Variants in USP9X observed in about 807,000 individuals in gnomAD.
USP9X encodes the protein ubiquitin specific peptidase 9 X-linked.
In USP9X, 7 loss-of-function variants were observed where a neutral mutation model predicts 190.3. The observed-to-expected ratio is 0.04, with a 90% confidence interval of 0.02 to 0.07. USP9X has a LOEUF of 0.07. Among genes scored for constraint, USP9X ranks in the 10% least tolerant of loss-of-function variants. USP9X has a pLI of 1.00. For synonymous variants in USP9X, 645 were observed against 659.5 expected (o/e 0.98, Z 0.34); for missense variants, 1,010 against 1,916.9 (o/e 0.53, Z 8.83).
chrX:41,139,530 G>C (rs1026851537), intron 6 of USP9X, among the ~76,000 whole-genome samples: 1 of 111,726 alleles, frequency 9.0e-6, no homozygotes, highest in African/African-American at 3.3e-5. Flanking sequence ...GTGTGGTGGT[G>C]TGTGCCTATA....
chrX:41,192,288 A>G (rs902368868), intron 26 of USP9X, among the ~76,000 whole-genome samples: 1 of 112,363 alleles, frequency 8.9e-6, no homozygotes, highest in African/African-American at 3.2e-5. Flanking sequence ...CACATATTCT[A>G]GTAACTTTTC....
intron 2 of USP9X, among the ~76,000 whole-genome samples, chrX:41,125,672 ACACACACACACACTCTCTCTCTCTCT>A (rs1455685665): frequency 6.2e-5 from 3 of 48,676 alleles, no homozygotes; most frequent in Non-Finnish European, 1.1e-4. Flanking sequence ...ACACACACAC[ACACACACACACACTCTCTCTCTCTCT>A]CTCTCTCTCT....
intron 31 of USP9X, among the ~76,000 whole-genome samples, chrX:41,203,663 A>G (rs893251805): frequency 2.7e-5 from 3 of 111,518 alleles, no homozygotes; most frequent in Non-Finnish European, 5.7e-5. Context: ...CAGAAGTGGA[A>G]GTACTAGATC....
chrX:41,200,475 T>G (rs890264726), intron 30 of USP9X, among the ~76,000 whole-genome samples: 1 of 111,953 alleles, frequency 8.9e-6, no homozygotes, highest in Admixed American at 9.5e-5. Flanking sequence ...ACAAATCTGC[T>G]GTCTTGCTTG....
chrX:41,136,607 G>A (rs1039952235), intron 5 of USP9X, among the ~76,000 whole-genome samples, 197 bp from the exon 6 acceptor site: 2 of 112,101 alleles, frequency 1.8e-5, no homozygotes, highest in African/African-American at 6.5e-5. Context: ...ATAGCAAATG[G>A]CTTTTGAAAG....
intron 31 of USP9X, among the ~76,000 whole-genome samples, 192 bp downstream of exon 31, chrX:41,201,472 C>G (rs754592996): frequency 9.0e-6 from 1 of 110,994 alleles, no homozygotes; most frequent in Non-Finnish European, 1.9e-5. Flanking sequence ...AGCCTGGGAG[C>G]TGGAGGCTGC....
intron 28 of USP9X, 23 bp from the exon 29 acceptor site, chrX:41,197,341 A>AGGGG: frequency 2.1e-5 from 6 of 288,788 alleles, no homozygotes; most frequent in Non-Finnish European, 3.1e-5. Context: ...TCCCCCCCCC[A>AGGGG]CCCCACCCCC....
At chrX:41,207,562 A>G (rs921510207) in intron 32 of USP9X, among the ~76,000 whole-genome samples, 4 of 111,982 alleles carry the variant, frequency 3.6e-5, no homozygotes, top group South Asian at 3.7e-4. Context: ...AGTCAGTACT[A>G]CGTCATGCAC....
In USP9X at chrX:41,129,249, C is replaced by G. The variant is rs1456106737; in HGVS notation, c.242+104C>G. The G allele has an allele frequency of 3.7e-6, 3 of 811,545 alleles. No individual in the cohort carries two copies. In the East Asian group the frequency reaches 1.0e-4, roughly 28 times the overall value. 66.9% of individuals were successfully genotyped at this position (811,545 alleles called of 1,213,427 possible). The stretch of plus-strand genomic sequence containing the variant: ...TCGTCACTGCCAAGTGCTTTATAAC[C>G]CATGATTCTTAATAGATTTAATAAA... On this transcript the variant is annotated intron_variant, in intron 3 of 44. Coordinates refer to ENST00000378308, the MANE Select transcript of USP9X (RefSeq NM_001039591.3).
intron 2 of USP9X, 93 bp downstream of exon 2, chrX:41,123,817 CAGATCACTTGAGGTCAAGAGT>C (rs1424858412): frequency 1.3e-5 from 11 of 856,836 alleles, no homozygotes; most frequent in Non-Finnish European, 1.8e-5. Context: ...TTGAGGCAGG[CAGATCACTTGAGGTCAAGAGT>C]TTGAGACCAG....
Position 41,125,047 on chromosome X carries a change from G to T in USP9X, c.96+1323G>T, listed in dbSNP as rs183190386. 7.2e-3 allele frequency among the ~76,000 whole-genome samples: 800 copies of T among 111,604 alleles called. 6 individuals carry two copies. Among genetic ancestry groups the T allele is most frequent in the African/African-American group, 0.023 (716 of 30,659 alleles). On this transcript the variant is annotated intron_variant, in intron 2 of 44. Transcript: ENST00000378308. The stretch of plus-strand genomic sequence containing the variant: ...TACTGGTGGACCCATCTGGCCTGGG[G>T]TTTTATTTATGGAAAAGTTTTAATT...
chrX:41,190,271 A>G (rs1457966951), intron 26 of USP9X, among the ~76,000 whole-genome samples: 2 of 111,650 alleles, frequency 1.8e-5, no homozygotes, highest in Non-Finnish European at 3.8e-5. Context: ...AAAAATGTAC[A>G]TGCTGTGGGG....
At chrX:41,219,529 C>G (rs2063242154) in intron 38 of USP9X, among the ~76,000 whole-genome samples, 1 of 109,745 alleles carries the variant, frequency 9.1e-6, no homozygotes, top group African/African-American at 3.3e-5. Flanking sequence ...TCTTCTCACA[C>G]TGATTGAATC....
At chrX:41,161,329 CTTTTTTTTTTTTTTT>C (rs1158519140) in intron 14 of USP9X, among the ~76,000 whole-genome samples, 5 of 32,486 alleles carry the variant, frequency 1.5e-4, no homozygotes, top group Admixed American at 4.1e-4. Context: ...GAATTCTTGC[CTTTTTTTTTTTTTTT>C]TTTTTTTTTT....
intron 15 of USP9X, among the ~76,000 whole-genome samples, chrX:41,163,180 A>G (rs2147106909): frequency 9.0e-6 from 1 of 111,531 alleles, no homozygotes; most frequent in South Asian, 3.7e-4. Flanking sequence ...AACCGGAAGG[A>G]GGACTATACT....
chrX:41,175,788 AAT>A (rs1415590317), intron 21 of USP9X, among the ~76,000 whole-genome samples: 2 of 98,920 alleles, frequency 2.0e-5, no homozygotes, highest in African/African-American at 3.9e-5. Context: ...CACACACATG[AAT>A]ATATATATGT....
chrX:41,226,923 G>A (rs1231774446), intron 41 of USP9X, among the ~76,000 whole-genome samples: 1 of 111,815 alleles, frequency 8.9e-6, no homozygotes, highest in African/African-American at 3.2e-5. Flanking sequence ...AGGCCAGCTT[G>A]ACCAACATAG....
chrX:41,168,935 C>T (rs1240789509), intron 18 of USP9X, among the ~76,000 whole-genome samples: 1 of 111,333 alleles, frequency 9.0e-6, no homozygotes, highest in Non-Finnish European at 1.9e-5. Flanking sequence ...AAATTATATA[C>T]AGTTGCTTCT....
At chrX:41,145,928 TGAAGG>T (rs886246395) in intron 11 of USP9X, among the ~76,000 whole-genome samples, 15 of 112,162 alleles carry the variant, frequency 1.3e-4, no homozygotes, top group East Asian at 5.5e-4. Context: ...AATTTTATTT[TGAAGG>T]GAACAAATTA....
Sources: gnomAD v4.1 joint callset for allele counts (sites outside exome capture counted in the v4.1 genomes callset) on GRCh38, gnomAD v4.1.1 for gene constraint, MANE v1.5 for transcripts, NCBI Gene and HGNC (gene_info 2026-07-23, HGNC 2026-07-21) for gene names.